The following KDM2B variants were observed in gnomAD, a reference collection of about 807,000 sequenced individuals.
The protein encoded by KDM2B is lysine-specific demethylase 2B.
KDM2B carries 26 observed loss-of-function variants against 150.0 expected under a neutral mutation model. That is an observed-to-expected ratio of 0.17 (90% CI 0.13 to 0.24). The LOEUF (loss-of-function observed/expected upper bound fraction) is 0.24. Ranked by LOEUF, KDM2B falls within the 10% of genes least tolerant of loss-of-function variation. The pLI, the probability that KDM2B is intolerant of heterozygous loss-of-function variation, is 1.00. For missense variants in KDM2B, 1,265 were observed against 1,816.9 expected (o/e 0.70, Z 5.52); for synonymous variants, 734 against 729.5 (o/e 1.01, Z -0.10).
At chr12:121,484,895 T>C (rs926692244) in intron 12 of KDM2B, among the ~76,000 whole-genome samples, 1 of 151,228 alleles carries the variant, frequency 6.6e-6, no homozygotes. Flanking sequence ...ATAACAAGGG[T>C]TGGGGGCTGA....
At chr12:121,435,491 GAAGTGGGGCTA>G (rs1430647056) in intron 22 of KDM2B, among the ~76,000 whole-genome samples, 1 of 152,166 alleles carries the variant, frequency 6.6e-6, no homozygotes, top group African/African-American at 2.4e-5. Context: ...ATGTACATTG[GAAGTGGGGCTA>G]AAGATGGTGT....
intron 12 of KDM2B, among the ~76,000 whole-genome samples, chr12:121,473,395 A>AG (rs1880981593): frequency 6.6e-6 from 1 of 151,420 alleles, no homozygotes; most frequent in Non-Finnish European, 1.5e-5. Context: ...TCTCAAAAAA[A>AG]AAAAAAAAAT....
the KDM2B span, chr12:121,417,790 C>T: frequency 6.2e-7 from 1 of 1,614,142 alleles, no homozygotes; most frequent in Non-Finnish European, 8.5e-7. The surrounding 1 kb of genome is among the most constrained non-coding windows in gnomAD (Gnocchi z 5.0). Context: ...AGGTCCCAGA[C>T]TTCTAGCTTT....
chr12:121,545,000 G>GT (rs111583056), intron 6 of KDM2B, among the ~76,000 whole-genome samples: 10,027 of 152,204 alleles, frequency 0.066, 581 homozygotes, highest in South Asian at 0.15. Context: ...TCGTGTGTCT[G>GT]TGTCACTTCT....
intron 11 of KDM2B, among the ~76,000 whole-genome samples, chr12:121,496,886 G>T (rs1884019053): frequency 6.6e-6 from 1 of 151,770 alleles, no homozygotes; most frequent in African/African-American, 2.4e-5. Flanking sequence ...AAAGTGCTGG[G>T]ATTGCAGGTG....
downstream of KDM2B, among the ~76,000 whole-genome samples, chr12:121,425,913 C>T (rs1352121223): frequency 6.6e-6 from 1 of 151,976 alleles, no homozygotes; most frequent in Non-Finnish European, 1.5e-5. Context: ...ACTACAGGCA[C>T]CCGCCACCAC....
At chr12:121,492,070 A>T (rs1555300047) in intron 12 of KDM2B, among the ~76,000 whole-genome samples, 1 of 151,986 alleles carries the variant, frequency 6.6e-6, no homozygotes, top group Non-Finnish European at 1.5e-5. Context: ...AGATGGGAGG[A>T]TCGCTTGATC....
chr12:121,546,560 GT>G (rs879981112), intron 6 of KDM2B, among the ~76,000 whole-genome samples: 21 of 145,972 alleles, frequency 1.4e-4, no homozygotes, highest in Non-Finnish European at 1.2e-4. Flanking sequence ...TTTTTTTTTG[GT>G]TTTTTTTTTT....
At chr12:121,506,034 G>C (rs1372024504) in intron 11 of KDM2B, among the ~76,000 whole-genome samples, 4 of 151,656 alleles carry the variant, frequency 2.6e-5, no homozygotes, top group African/African-American at 7.3e-5. Flanking sequence ...ATTTGAGACA[G>C]GGTCTTGTTC....
At chr12:121,540,122 T>G (rs1188195214) in intron 6 of KDM2B, among the ~76,000 whole-genome samples, 8 of 152,170 alleles carry the variant, frequency 5.3e-5, no homozygotes, top group African/African-American at 1.4e-4. Context: ...ATGGGGATAG[T>G]AACCCATGCC....
At chr12:121,439,564 T>G (rs1345016055) in intron 22 of KDM2B, among the ~76,000 whole-genome samples, 1 of 151,854 alleles carries the variant, frequency 6.6e-6, no homozygotes, top group Non-Finnish European at 1.5e-5. Context: ...TATTTTTTTG[T>G]AGAGACGGGG....
intron 12 of KDM2B, among the ~76,000 whole-genome samples, chr12:121,490,125 G>A (rs1021417802): frequency 1.2e-4 from 19 of 152,314 alleles, no homozygotes; most frequent in Admixed American, 6.5e-4. Flanking sequence ...GACGGAGCAG[G>A]CCTCTGGGAT....
intron 11 of KDM2B, among the ~76,000 whole-genome samples, chr12:121,497,529 C>A (rs1454652677): frequency 6.6e-6 from 1 of 151,926 alleles, no homozygotes; most frequent in Non-Finnish European, 1.5e-5. Context: ...TGGTCTCAAA[C>A]TCCTAGCCTC....
At chr12:121,413,102 T>C in the KDM2B span, among the ~76,000 whole-genome samples, 1 of 151,004 alleles carries the variant, frequency 6.6e-6, no homozygotes, top group East Asian at 1.9e-4. Flanking sequence ...CTAGGCTCAC[T>C]GCAACCTCCG....
intron 1 of KDM2B, 160 bp from the exon 2 acceptor site, chr12:121,579,106 G>T (rs1347128546): frequency 2.6e-6 from 2 of 774,598 alleles, no homozygotes; most frequent in Admixed American, 5.6e-5. Flanking sequence ...ATGCTGAAAA[G>T]CAGGACAAGG....
At chr12:121,523,861 C>T (rs1032677861) in intron 8 of KDM2B, among the ~76,000 whole-genome samples, 4 of 152,214 alleles carry the variant, frequency 2.6e-5, no homozygotes, top group African/African-American at 9.6e-5. Flanking sequence ...AAGCGGCCGT[C>T]GAGCTCCCCA....
intron 4 of KDM2B, among the ~76,000 whole-genome samples, chr12:121,555,913 G>A (rs182134641): frequency 6.6e-5 from 10 of 151,508 alleles, no homozygotes; most frequent in African/African-American, 2.2e-4. Context: ...TTGGGTTTTT[G>A]TTTTGTTTTT....
chr12:121,432,994 C>T (rs1168299860), intron 22 of KDM2B: 8 of 387,072 alleles, frequency 2.1e-5, no homozygotes, highest in Non-Finnish European at 3.6e-5. Flanking sequence ...GCTGAGGGGG[C>T]CTCAAGTGCA....
chr12:121,513,073 G>A lies in KDM2B; in HGVS notation c.1174+203C>T, dbSNP rs952654791. Among the ~76,000 whole-genome samples the A allele has an allele frequency of 6.6e-6, 1 of 152,240 alleles. No homozygotes were observed. The highest frequency in any genetic ancestry group is 1.5e-5 in the Non-Finnish European group (1 of 68,048). On this transcript the variant is annotated intron_variant, in intron 10 of 22. Transcript: ENST00000377071. This position sits in a 1 kb window ranked among gnomAD's most constrained non-coding sequence, Gnocchi z 5.0. ...AGGCCACACACGTGACTCTTTTGGG[G>A]ATCCGAATTCATTTTCTTGGACTCT...
Sources: allele counts gnomAD v4.1 joint callset (sites outside exome capture counted in the v4.1 genomes callset), GRCh38; gene constraint gnomAD v4.1.1; non-coding constraint Gnocchi (gnomAD v3.1); transcripts MANE v1.5; gene names NCBI Gene and HGNC (gene_info 2026-07-23, HGNC 2026-07-21).